Variants in GRM7 observed in about 807,000 individuals in gnomAD.
GRM7 encodes the protein metabotropic glutamate receptor 7.
A neutral mutation model predicts 84.5 loss-of-function variants in GRM7; 35 were observed. The ratio of observed to expected loss-of-function variants is 0.41; its 90% confidence interval spans 0.32 to 0.55. GRM7 has a LOEUF of 0.55. GRM7 is among the 20% of genes least tolerant of loss of function. The pLI is 0.19. For missense variants in GRM7, 1,003 were observed against 1,194.6 expected (o/e 0.84, Z 2.36); for synonymous variants, 487 against 455.1 (o/e 1.07, Z -0.89).
intron 8 of GRM7, among the ~76,000 whole-genome samples, chr3:7,584,172 G>T (rs1203339334): frequency 6.6e-6 from 1 of 152,198 alleles, no homozygotes; most frequent in African/African-American, 2.4e-5. Context: ...AGAAGAGACA[G>T]ATTGCACTTA....
intron 1 of GRM7, among the ~76,000 whole-genome samples, chr3:7,111,082 T>G (rs900884019): frequency 1.3e-5 from 2 of 151,986 alleles, no homozygotes; most frequent in African/African-American, 4.8e-5. Flanking sequence ...TTGACTGATG[T>G]GGGGTCAATA....
chr3:7,482,852 T>C (rs112329190), intron 7 of GRM7, among the ~76,000 whole-genome samples: 19 of 152,316 alleles, frequency 1.2e-4, no homozygotes, highest in African/African-American at 4.3e-4. Context: ...TGAGGATTCA[T>C]GTGCTGTGTT....
chr3:7,380,108 A>T (rs919639378), intron 4 of GRM7, among the ~76,000 whole-genome samples: 1 of 152,180 alleles, frequency 6.6e-6, no homozygotes, highest in African/African-American at 2.4e-5. Flanking sequence ...CTTGGCTTGA[A>T]ATATGGGAGG....
At chr3:7,558,615 A>G (rs1693875740) in intron 7 of GRM7, among the ~76,000 whole-genome samples, 1 of 152,134 alleles carries the variant, frequency 6.6e-6, no homozygotes, top group Non-Finnish European at 1.5e-5. Flanking sequence ...ATCCCAATAT[A>G]TTTAATAAGA....
intron 1 of GRM7, among the ~76,000 whole-genome samples, chr3:7,033,695 A>T (rs1434747079): frequency 6.6e-6 from 1 of 152,148 alleles, no homozygotes; most frequent in East Asian, 1.9e-4. Flanking sequence ...TGCCTAAAAA[A>T]CAATAAGCAG....
intron 2 of GRM7, among the ~76,000 whole-genome samples, chr3:7,248,591 A>C (rs150884086): frequency 1.1e-4 from 16 of 152,256 alleles, no homozygotes; most frequent in African/African-American, 3.1e-4. Context: ...ATGACATGCA[A>C]ATTTTTATTT....
intron 7 of GRM7, among the ~76,000 whole-genome samples, chr3:7,480,745 G>C (rs184879918): frequency 1.3e-5 from 2 of 152,156 alleles, no homozygotes; most frequent in Non-Finnish European, 2.9e-5. Flanking sequence ...AAACTTTGCT[G>C]TACATTCAGA....
chr3:7,021,765 T>G (rs2124912746), intron 1 of GRM7, among the ~76,000 whole-genome samples: 1 of 152,344 alleles, frequency 6.6e-6, no homozygotes, highest in African/African-American at 2.4e-5. Flanking sequence ...CATGCTCCAT[T>G]TATGCATTTG....
At chr3:7,380,881 G>T (rs1694561406) in intron 4 of GRM7, among the ~76,000 whole-genome samples, 1 of 152,082 alleles carries the variant, frequency 6.6e-6, no homozygotes, top group South Asian at 2.1e-4. Flanking sequence ...TATAACCCTG[G>T]AGAAACTGGT....
At chr3:6,865,183 C>A (rs912858787) in intron 1 of GRM7, among the ~76,000 whole-genome samples, 1 of 152,086 alleles carries the variant, frequency 6.6e-6, no homozygotes, top group Non-Finnish European at 1.5e-5. Flanking sequence ...CCTAAGCTTG[C>A]GCAAAATAAT....
chr3:7,048,122 T>C (rs1054920285), intron 1 of GRM7, among the ~76,000 whole-genome samples: 17 of 152,044 alleles, frequency 1.1e-4, no homozygotes, highest in African/African-American at 3.9e-4. Context: ...TATAAAAGTT[T>C]GATTTCCTAT....
At chr3:7,060,194 A>G (rs1697385808) in intron 1 of GRM7, among the ~76,000 whole-genome samples, 1 of 151,850 alleles carries the variant, frequency 6.6e-6, no homozygotes, top group Admixed American at 6.6e-5. Context: ...TTTTTCAAGT[A>G]TCTCCTTCAG....
At chr3:7,182,503 CA>C (rs762307436) in intron 2 of GRM7, among the ~76,000 whole-genome samples, 4 of 151,992 alleles carry the variant, frequency 2.6e-5, no homozygotes, top group South Asian at 4.1e-4. Context: ...GGAGGAAAGT[CA>C]AAAAAATAAA....
At chr3:7,335,126 A>C (rs1188459093) in intron 4 of GRM7, among the ~76,000 whole-genome samples, 1 of 152,172 alleles carries the variant, frequency 6.6e-6, no homozygotes, top group Non-Finnish European at 1.5e-5. Flanking sequence ...TTTCATCAGC[A>C]CGTGAAACAT....
At chr3:7,685,491 T>G (rs567534011) in intron 9 of GRM7, among the ~76,000 whole-genome samples, 8 of 152,202 alleles carry the variant, frequency 5.3e-5, no homozygotes, top group African/African-American at 1.7e-4. Context: ...CCCTTTTTTT[T>G]GGATGTGGAG....
chr3:7,029,342 A>C (rs1216245898), intron 1 of GRM7, among the ~76,000 whole-genome samples: 2 of 151,756 alleles, frequency 1.3e-5, no homozygotes, highest in Non-Finnish European at 2.9e-5. Context: ...CAAAAAAAAC[A>C]TGAATAAGCA....
intron 1 of GRM7, among the ~76,000 whole-genome samples, chr3:6,917,815 C>T (rs1379540284): frequency 6.6e-6 from 1 of 152,094 alleles, no homozygotes; most frequent in Non-Finnish European, 1.5e-5. Context: ...ATTTGAGGCT[C>T]ATATCTATAT....
chr3:6,904,449 C>A (rs2125008636), intron 1 of GRM7, among the ~76,000 whole-genome samples: 1 of 152,214 alleles, frequency 6.6e-6, no homozygotes, highest in South Asian at 2.1e-4. Flanking sequence ...GTTTGTGTCT[C>A]ATAGGATTTC....
rs559892375 is a variant in GRM7 at position 7,407,461 on chromosome 3, C to T, written c.1034-7562C>T. ...TCAAGGGTAGAGGGTTGTTACTTTA[C>T]AGTGCCTCGAACTGATATTAAAACT... is the stretch of plus-strand genomic sequence containing the variant. On this transcript the variant is annotated intron_variant, in intron 4 of 9. Coordinates refer to ENST00000357716, the MANE Select transcript of GRM7 (RefSeq NM_000844.4). Among the ~76,000 whole-genome samples the T allele has an allele frequency of 2.6e-5, 4 of 152,262 alleles. No individual in the cohort carries two copies. In the South Asian group the frequency reaches 8.3e-4, roughly 32 times the overall value.
Sources: allele counts gnomAD v4.1 joint callset (sites outside exome capture counted in the v4.1 genomes callset), GRCh38; gene constraint gnomAD v4.1.1; transcripts MANE v1.5; gene names NCBI Gene and HGNC (gene_info 2026-07-23, HGNC 2026-07-21).